Variants in E2F8 observed in about 807,000 individuals in gnomAD.
E2F8 encodes E2F transcription factor 8.
E2F8 carries 35 observed loss-of-function variants against 80.8 expected under a neutral mutation model. That is an observed-to-expected ratio of 0.43 (90% confidence interval 0.33 to 0.57). The LOEUF (loss-of-function observed/expected upper bound fraction) is 0.57, where lower values mean the gene tolerates loss of function less well. Among genes scored for constraint, E2F8 ranks in the 20% least tolerant of loss-of-function variants. The probability of loss-of-function intolerance (pLI) is 0.04; values close to 1 mark genes in which losing one functional copy is unlikely to be tolerated. For synonymous variants in E2F8, 386 were observed against 395.0 expected, an observed-to-expected ratio of 0.98 and a Z score of 0.27; for missense variants, 975 against 1,056.2, an observed-to-expected ratio of 0.92 and a Z score of 1.07.
chr11:19,235,449 C>A (rs950109394), intron 4 of E2F8, among the ~76,000 whole-genome samples: 15 of 152,164 alleles, frequency 9.9e-5, no homozygotes, highest in Admixed American at 1.3e-4. Flanking sequence ...GAGATGGAGA[C>A]CATCCTGGCT....
rs1201181174 is a variant in E2F8 at position 19,230,275 on chromosome 11, C to T, written c.1324G>A (p.Ala442Thr). ...TCTTCTAACTGCATTTTACAAATAGCTGCGAGCTGAGCCATTTTACTTGGG... is the reference window on the plus strand; with the variant it reads ...TCTTCTAACTGCATTTTACAAATAGTTGCGAGCTGAGCCATTTTACTTGGG... ...PFPSKMAQLA[A>T]ICKMQLEEQS... Residue 442 changes from alanine (A) to threonine (T), a missense_variant, in exon 9 of 13, where the codon GCT (alanine) becomes ACT (threonine). Transcript: ENST00000250024. The T allele has an allele frequency of 5.0e-6, 8 of 1,613,986 alleles. No individual in the cohort carries two copies. The highest frequency in any genetic ancestry group is 6.8e-6 in the Non-Finnish European group (8 of 1,179,984).
At position 19,228,392 on chromosome 11, in the gene E2F8, C is replaced by T. The variant is rs143700303; in HGVS notation, c.1893+1062G>A. 9.2e-5 allele frequency among the ~76,000 whole-genome samples: 14 copies of T among 152,328 alleles called. No individual in the cohort carries two copies. In the South Asian group the frequency reaches 1.2e-3, roughly 14 times the overall value. The stretch of plus-strand genomic sequence containing the variant: ...CTCTAAGCTTCCTCTTTAATAACAA[C>T]GTAACAGATAATACCTTTCAGCTTA... On this transcript the variant is annotated intron_variant, in intron 10 of 12. Coordinates refer to ENST00000250024, the MANE Select transcript of E2F8 (RefSeq NM_024680.4).
At chr11:19,237,590 G>T (rs1851551819) in intron 3 of E2F8, 120 bp from the exon 4 acceptor site, 1 of 1,167,824 alleles carries the variant, frequency 8.6e-7, no homozygotes, top group Non-Finnish European at 1.2e-6. Context: ...CAGCTGCAAA[G>T]TCTGGATGGG....
chr11:19,228,646 A>G (rs1851295107), intron 10 of E2F8, among the ~76,000 whole-genome samples: 1 of 152,264 alleles, frequency 6.6e-6, no homozygotes, highest in African/African-American at 2.4e-5. Context: ...TAAGACAGAG[A>G]GAAGTAAAAT....
Position 19,230,807 on chromosome 11 carries a change from G to A in E2F8, c.1094C>T (p.Pro365Leu), listed in dbSNP as rs147067430. 2 of 1,614,034 alleles carry A rather than the reference G, an allele frequency of 1.2e-6. No individual in the cohort carries two copies. The highest frequency in any genetic ancestry group is 1.7e-6 in the Non-Finnish European group (2 of 1,180,024). The part of the protein sequence containing the change: ...SGSSPVIHFT[P>L]SDLEVRRSSK... ...AGACCGTCTCACCTCCAAATCAGAG[G>A]GAGTAAAATGAATGACTGGGCTGGA... Residue 365 changes from proline (P) to leucine (L), a missense_variant, in exon 8 of 13, where the codon CCC becomes CTC. Transcript: ENST00000250024.
Position 19,230,323 on chromosome 11 carries a change from T to G in E2F8, c.1276A>C (p.Ser426Arg), listed in dbSNP as rs369249750. ...SSPIKTNKAESSQNSAPFPSK... is the reference protein window; with the variant it reads ...SSPIKTNKAERSQNSAPFPSK... The stretch of plus-strand genomic sequence containing the variant: ...GGGAAGGGTGCAGAATTCTGAGAAC[T>G]CTCAGCTGGTAAAATAGAAAGGAAG... Residue 426 changes from serine (S) to arginine (R), a missense_variant, in exon 9 of 13, where the codon AGT (serine) becomes CGT (arginine). Transcript: ENST00000250024. 1.2e-6 allele frequency: 2 copies of G among 1,613,156 alleles called. No individual in the cohort carries two copies. Among genetic ancestry groups the G allele is most frequent in the Non-Finnish European group, 1.7e-6 (2 of 1,179,808 alleles).
Position 19,225,555 on chromosome 11 carries a change from G to C in E2F8, c.2087C>G (p.Thr696Arg), listed in dbSNP as rs1213347502. ...TAVNFPSFHVTPLKLMVSPTS... is the reference protein window; with the variant it reads ...TAVNFPSFHVRPLKLMVSPTS... ...TGGTGAGACCATTAGCTTCAACGGT[G>C]TTACATGAAAAGAGGGAAAATTAAC... The change falls in exon 12 of 13, where the codon ACA becomes AGA. Residue 696 changes from threonine (T) to arginine (R), a missense_variant. Physicochemically the swap from Thr to Arg is moderately conservative, Grantham distance 71 (BLOSUM62 -1). Coordinates refer to ENST00000250024, the MANE Select transcript of E2F8 (RefSeq NM_024680.4). The C allele has an allele frequency of 6.2e-7, 1 of 1,614,200 alleles. No homozygotes were observed. Among genetic ancestry groups the C allele is most frequent in the East Asian group, 2.2e-5 (1 of 44,882 alleles).
At chr11:19,234,267 G>T in intron 6 of E2F8, 93 bp downstream of exon 6, 2 of 1,375,634 alleles carry the variant, frequency 1.5e-6, no homozygotes, top group Non-Finnish European at 2.0e-6. Flanking sequence ...ATCTGTTTAT[G>T]CACCTATGTT....
Position 19,237,296 on chromosome 11 carries a change from A to G in E2F8, c.451+18T>C. The G allele has an allele frequency of 1.2e-6, 2 of 1,613,078 alleles. No individual in the cohort carries two copies. Among genetic ancestry groups the G allele is most frequent in the East Asian group, 2.2e-5 (1 of 44,858 alleles). ...ACTTTAATTATTAATTCTTTCAGTG[A>G]GTTCTTTGCATACTTACTAAGTTCC... is the stretch of plus-strand genomic sequence containing the variant. On this transcript the variant is annotated intron_variant, in intron 4 of 12. Transcript: ENST00000250024.
chr11:19,225,046 T>C (rs539244119), intron 12 of E2F8, 175 bp downstream of exon 12: 3 of 1,109,920 alleles, frequency 2.7e-6, no homozygotes, highest in African/African-American at 3.1e-5. Flanking sequence ...AACCCAACAA[T>C]ATGGATGCCT....
At chr11:19,234,658 C>T in intron 5 of E2F8, 86 bp downstream of exon 5, 6 of 1,533,198 alleles carry the variant, frequency 3.9e-6, no homozygotes, top group Non-Finnish European at 5.3e-6. Context: ...GCAGCAGTAG[C>T]TTTAGAGCTG....
intron 4 of E2F8, among the ~76,000 whole-genome samples, chr11:19,236,414 A>T (rs560780854): frequency 4.7e-4 from 71 of 152,316 alleles, no homozygotes; most frequent in Non-Finnish European, 8.2e-4. Context: ...TCCTTTACTC[A>T]GTATCTATTG....
chr11:19,240,339 T>C (rs544551368), intron 1 of E2F8, 109 bp from the exon 2 acceptor site: 101 of 343,442 alleles, frequency 2.9e-4, no homozygotes, highest in African/African-American at 2.0e-3. Flanking sequence ...TAACGAAAAA[T>C]GACAAACTAG....
Position 19,240,089 on chromosome 11 carries a change from A to G in E2F8, c.15+18T>C. On this transcript the variant is annotated intron_variant, in intron 2 of 12. Coordinates refer to ENST00000250024, the MANE Select transcript of E2F8 (RefSeq NM_024680.4). ...TGAATTTAAAATTGCAATGATGAAT[A>G]CTGAAGTTATAAAGTACCTTTTCGT... The G allele has an allele frequency of 6.6e-7, 1 of 1,522,636 alleles. No homozygotes were observed. The highest frequency in any genetic ancestry group is 1.3e-5 in the South Asian group (1 of 77,994). 94.3% of individuals were successfully genotyped at this position (1,522,636 alleles called of 1,614,324 possible).
chr11:19,237,807 C>A (rs2133579964), intron 3 of E2F8, 47 bp downstream of exon 3: 1 of 1,567,104 alleles, frequency 6.4e-7, no homozygotes, highest in Non-Finnish European at 8.7e-7. Flanking sequence ...CCTCCCCCCT[C>A]CCCCCAACAA....
At chr11:19,230,939 C>T (rs1590125424) in intron 7 of E2F8, 105 bp from the exon 8 acceptor site, 10 of 956,070 alleles carry the variant, frequency 1.0e-5, no homozygotes, top group Admixed American at 4.7e-5. Context: ...TACAGAGCAC[C>T]GACCATGTGC....
chr11:19,234,389 A>C lies in E2F8; in HGVS notation c.899T>G (p.Val300Gly). Residue 300 changes from valine to glycine, a missense_variant, in exon 6 of 13, where the codon GTG (valine) becomes GGG (glycine). Val to Gly is a moderately radical substitution (Grantham distance 109). Transcript: ENST00000250024. ...AAKILIGEDH[V>G]EDLDKSKFKT... Reference sequence around the variant, plus strand: ...AAACTTGCTTTTATCCAAATCTTCCACATGGTCCTCCCCAATTAAAATCTT... The same window carrying C: ...AAACTTGCTTTTATCCAAATCTTCCCCATGGTCCTCCCCAATTAAAATCTT... 1 of 1,614,184 alleles carries C rather than the reference A, an allele frequency of 6.2e-7. No homozygotes were observed. Among genetic ancestry groups the C allele is most frequent in the Non-Finnish European group, 8.5e-7 (1 of 1,180,036 alleles).
At chr11:19,225,130 A>G in intron 12 of E2F8, 91 bp downstream of exon 12, 6 of 1,503,910 alleles carry the variant, frequency 4.0e-6, no homozygotes, top group Non-Finnish European at 5.3e-6. Flanking sequence ...TCCCTCTCCA[A>G]AGAGGAAAAG....
At chr11:19,237,512 G>T (rs888951725) in intron 3 of E2F8, 42 bp from the exon 4 acceptor site, 3 of 1,587,270 alleles carry the variant, frequency 1.9e-6, no homozygotes, top group Non-Finnish European at 2.6e-6. Context: ...CTAAAATAAA[G>T]TCTGACAGAT....
Sources: allele counts gnomAD v4.1 joint callset (sites outside exome capture counted in the v4.1 genomes callset), GRCh38; gene constraint gnomAD v4.1.1; transcripts MANE v1.5; gene names NCBI Gene and HGNC (gene_info 2026-07-23, HGNC 2026-07-21).